The following PHACTR1 variants were observed in gnomAD, a reference collection of about 807,000 sequenced individuals.
PHACTR1 encodes the protein phosphatase and actin regulator 1, also known as RPEL repeat containing 1.
PHACTR1 carries 16 observed loss-of-function variants against 69.2 expected under a neutral mutation model. That is an observed-to-expected ratio of 0.23 (90% CI 0.16 to 0.35). PHACTR1 has a LOEUF of 0.35. Ranked by LOEUF, PHACTR1 falls within the 10% of genes least tolerant of loss-of-function variation. The pLI, the probability that PHACTR1 is intolerant of heterozygous loss-of-function variation, is 1.00. For synonymous variants in PHACTR1, 312 were observed against 284.5 expected (o/e 1.10, Z -0.97); for missense variants, 510 against 734.7 (o/e 0.69, Z 3.54).
chr6:12,951,291 C>T (rs1052449946), intron 4 of PHACTR1, among the ~76,000 whole-genome samples: 2 of 152,170 alleles, frequency 1.3e-5, no homozygotes, highest in Non-Finnish European at 2.9e-5. Context: ...TCTTGTTTAT[C>T]GTATTGCAGA....
chr6:12,829,713 G>A (rs1001062016), intron 4 of PHACTR1, among the ~76,000 whole-genome samples: 2 of 151,858 alleles, frequency 1.3e-5, no homozygotes, highest in Admixed American at 6.6e-5. Flanking sequence ...CCAGCACTTT[G>A]GGAGGCCGAG....
intron 4 of PHACTR1, among the ~76,000 whole-genome samples, chr6:12,829,090 C>G (rs751464765): frequency 1.3e-5 from 2 of 151,906 alleles, no homozygotes; most frequent in African/African-American, 4.8e-5. Context: ...TATTATGTGC[C>G]AACTAAAAAT....
chr6:13,150,998 A>G (rs972147815), intron 5 of PHACTR1, among the ~76,000 whole-genome samples: 1 of 152,162 alleles, frequency 6.6e-6, no homozygotes, highest in African/African-American at 2.4e-5. Flanking sequence ...ATGAAGCCAG[A>G]TGGGAAGTGG....
At chr6:13,115,260 T>G (rs191642865) in intron 5 of PHACTR1, among the ~76,000 whole-genome samples, 2 of 152,178 alleles carry the variant, frequency 1.3e-5, no homozygotes, top group African/African-American at 4.8e-5. Flanking sequence ...GGTTGAAGAC[T>G]TACATATCTC....
chr6:12,861,784 C>T (rs1396879449), intron 4 of PHACTR1, among the ~76,000 whole-genome samples: 1 of 152,158 alleles, frequency 6.6e-6, no homozygotes. Context: ...ACATTCTGAC[C>T]AGAACCAAAA....
intron 4 of PHACTR1, among the ~76,000 whole-genome samples, chr6:12,829,964 A>G (rs866370406): frequency 3.8e-4 from 38 of 99,936 alleles, no homozygotes; most frequent in South Asian, 2.3e-3. Flanking sequence ...TCAAGAAAGA[A>G]AGAGAGAGAG....
intron 4 of PHACTR1, among the ~76,000 whole-genome samples, chr6:12,921,378 A>G (rs1220249785): frequency 1.3e-5 from 2 of 152,042 alleles, no homozygotes; most frequent in African/African-American, 4.8e-5. Flanking sequence ...ACACACAGAA[A>G]TGAAAAAGAC....
chr6:13,284,876 C>T (rs1033464104), intron 13 of PHACTR1, among the ~76,000 whole-genome samples: 10 of 152,082 alleles, frequency 6.6e-5, no homozygotes, highest in East Asian at 1.9e-4. Context: ...TCGCCTGTGG[C>T]GGGTCAACCC....
chr6:13,073,483 A>T (rs1288877841), intron 5 of PHACTR1, among the ~76,000 whole-genome samples: 1 of 151,828 alleles, frequency 6.6e-6, no homozygotes. Context: ...AACTGAGACT[A>T]CAGGTGCATG....
intron 2 of PHACTR1, 101 bp downstream of exon 2, chr6:12,717,844 A>C (rs1561810910): frequency 6.6e-6 from 1 of 152,206 alleles, no homozygotes; most frequent in Admixed American, 6.5e-5. Context: ...AGAAAGAGAA[A>C]CCAATTGGAT....
At chr6:12,902,160 T>C (rs1785268522) in intron 4 of PHACTR1, among the ~76,000 whole-genome samples, 1 of 152,150 alleles carries the variant, frequency 6.6e-6, no homozygotes, top group South Asian at 2.1e-4. Flanking sequence ...TGGTGGCTCA[T>C]GCCTATAATC....
At chr6:13,036,999 G>A (rs1314381737) in intron 4 of PHACTR1, among the ~76,000 whole-genome samples, 1 of 152,134 alleles carries the variant, frequency 6.6e-6, no homozygotes, top group Non-Finnish European at 1.5e-5. Context: ...ATATCAATTA[G>A]GATGATTTTG....
chr6:12,912,236 G>T (rs1183984997), intron 4 of PHACTR1, among the ~76,000 whole-genome samples: 2 of 152,184 alleles, frequency 1.3e-5, no homozygotes, highest in African/African-American at 4.8e-5. Flanking sequence ...CTGACCTCAG[G>T]TGATCCACCC....
chr6:13,269,131 T>C (rs202074), intron 10 of PHACTR1, among the ~76,000 whole-genome samples: 116,703 of 151,582 alleles, frequency 0.77, 45,893 homozygotes, highest in Non-Finnish European at 0.86. Flanking sequence ...ACTGGCCTGA[T>C]CTCCAAATGT....
intron 10 of PHACTR1, among the ~76,000 whole-genome samples, chr6:13,261,760 A>T (rs1478326185): frequency 6.6e-6 from 1 of 152,262 alleles, no homozygotes; most frequent in African/African-American, 2.4e-5. Context: ...GGACACCTAA[A>T]CCAAGAGATT....
At chr6:13,248,932 A>C (rs1205628306) in intron 10 of PHACTR1, among the ~76,000 whole-genome samples, 1 of 152,244 alleles carries the variant, frequency 6.6e-6, no homozygotes, top group Non-Finnish European at 1.5e-5. Flanking sequence ...TGCATAAGCT[A>C]TAATGTCTTC....
At chr6:12,972,470 C>T (rs958833235) in intron 4 of PHACTR1, among the ~76,000 whole-genome samples, 2 of 152,084 alleles carry the variant, frequency 1.3e-5, no homozygotes, top group African/African-American at 4.8e-5. Context: ...GGTCAGAAGA[C>T]CAAAATCAAT....
chr6:12,822,580 C>G (rs768420479), intron 4 of PHACTR1, among the ~76,000 whole-genome samples: 5 of 152,174 alleles, frequency 3.3e-5, no homozygotes, highest in Non-Finnish European at 7.3e-5. Context: ...TCGCCCCAGG[C>G]CTCCTCTCCC....
intron 4 of PHACTR1, among the ~76,000 whole-genome samples, chr6:13,051,480 C>T (rs1323102055): frequency 6.6e-6 from 1 of 152,190 alleles, no homozygotes; most frequent in East Asian, 1.9e-4. Flanking sequence ...CCCTGTCTCT[C>T]TCCACTAGTG....
Sources: allele counts gnomAD v4.1 joint callset (sites outside exome capture counted in the v4.1 genomes callset), GRCh38; gene constraint gnomAD v4.1.1; transcripts MANE v1.5; gene names NCBI Gene and HGNC (gene_info 2026-07-23, HGNC 2026-07-21).